The following ITGA2 variants were observed in gnomAD, a reference collection of about 807,000 sequenced individuals.
ITGA2 encodes integrin subunit alpha 2, also known as integrin alpha-2.
A neutral mutation model predicts 146.3 loss-of-function variants in ITGA2; 101 were observed. The observed-to-expected ratio is 0.69, with a 90% CI of 0.59 to 0.81. The LOEUF (loss-of-function observed/expected upper bound fraction) is 0.81, where lower values mean the gene tolerates loss of function less well. ITGA2 is among the 40% of genes least tolerant of loss of function. The pLI, the probability that ITGA2 is intolerant of heterozygous loss-of-function variation, is 0.00. For synonymous variants in ITGA2, 477 were observed against 487.1 expected, an observed-to-expected ratio of 0.98 and a Z score of 0.27; for missense variants, 1,281 against 1,402.7, an observed-to-expected ratio of 0.91 and a Z score of 1.39.
At chr5:53,070,039 A>G (rs561141041) in intron 16 of ITGA2, 70 bp from the exon 17 acceptor site, 22 of 1,309,844 alleles carry the variant, frequency 1.7e-5, no homozygotes, top group East Asian at 2.3e-5. Flanking sequence ...AGAAGACACA[A>G]TAAAGCAAAG....
intron 6 of ITGA2, 65 bp downstream of exon 6, chr5:53,048,835 T>G: frequency 6.4e-7 from 1 of 1,559,726 alleles, no homozygotes; most frequent in South Asian, 1.1e-5. Context: ...TTGTTAGCTA[T>G]GAAGTCTTAA....
intron 23 of ITGA2, among the ~76,000 whole-genome samples, chr5:53,076,966 A>G (rs1745688838): frequency 6.6e-6 from 1 of 152,018 alleles, no homozygotes; most frequent in Admixed American, 6.6e-5. Flanking sequence ...TCCCCATAAG[A>G]GACTGTTTTC....
intron 1 of ITGA2, among the ~76,000 whole-genome samples, chr5:53,019,417 C>T (rs780813301): frequency 1.3e-5 from 2 of 152,168 alleles, no homozygotes; most frequent in Admixed American, 6.5e-5. Context: ...GGATGTGAAT[C>T]GTCCCTTTGT....
At chr5:53,009,653 A>G (rs1300828040) in intron 1 of ITGA2, among the ~76,000 whole-genome samples, 2 of 152,098 alleles carry the variant, frequency 1.3e-5, no homozygotes, top group African/African-American at 4.8e-5. Context: ...GCCTATCTAG[A>G]TTGATTATAT....
chr5:53,044,977 T>A, intron 3 of ITGA2, 24 bp from the exon 4 acceptor site: 1 of 1,565,368 alleles, frequency 6.4e-7, no homozygotes, highest in Non-Finnish European at 8.8e-7. Context: ...TAATCACTTT[T>A]AAAAATTGTT....
chr5:53,088,169 T>C (rs1740207849), intron 28 of ITGA2, among the ~76,000 whole-genome samples: 1 of 152,198 alleles, frequency 6.6e-6, no homozygotes, highest in Non-Finnish European at 1.5e-5. Flanking sequence ...ATTATAGATT[T>C]TTTTTAAAAG....
intron 13 of ITGA2, among the ~76,000 whole-genome samples, chr5:53,063,928 G>A (rs1037714704): frequency 7.3e-5 from 11 of 151,646 alleles, no homozygotes; most frequent in African/African-American, 2.2e-4. Flanking sequence ...CGTGTCAAAC[G>A]CAGTAAAAAT....
intron 1 of ITGA2, among the ~76,000 whole-genome samples, chr5:53,017,611 TG>T (rs1742456732): frequency 6.6e-6 from 1 of 152,132 alleles, no homozygotes. Context: ...ATGTGTCAGC[TG>T]GGGTGGGGCT....
At position 53,067,106 on chromosome 5, in the gene ITGA2, T is replaced by C. The variant is rs1487447693; in HGVS notation, c.1944-12T>C. The C allele has an allele frequency of 6.2e-7, 1 of 1,609,010 alleles. No homozygotes were observed. Among genetic ancestry groups the C allele is most frequent in the East Asian group, 2.2e-5 (1 of 44,600 alleles). ...TAACATCCATCCATCTGTTACTCTT[T>C]ATGTCTTTTAGGTCACAAAGTATTG... On this transcript the variant is annotated splice_polypyrimidine_tract_variant and intron_variant, in intron 15 of 29. Transcript: ENST00000296585.
At chr5:53,088,788 T>G (rs1740263473) in intron 28 of ITGA2, among the ~76,000 whole-genome samples, 1 of 152,110 alleles carries the variant, frequency 6.6e-6, no homozygotes, top group African/African-American at 2.4e-5. Flanking sequence ...TATGAAAAAT[T>G]TTTTAATCTA....
At position 53,083,470 on chromosome 5, in the gene ITGA2, T is replaced by C; in HGVS notation, c.3258+17T>C. 7.2e-7 allele frequency: 1 copy of C among 1,381,464 alleles called. No homozygotes were observed. The highest frequency in any genetic ancestry group is 2.3e-5 in the East Asian group (1 of 43,752). 85.6% of individuals were successfully genotyped at this position (1,381,464 alleles called of 1,614,324 possible). On this transcript the variant is annotated intron_variant, in intron 27 of 29. Transcript: ENST00000296585. ...TTCGCATCAGTAAGTATCAGTTTTA[T>C]TTGTTAGATTTATCAATAGCAAGGA... is the stretch of plus-strand genomic sequence containing the variant.
In ITGA2 at chr5:53,080,641, C is replaced by A. The variant is rs1745878748; in HGVS notation, c.3039+20C>A. On this transcript the variant is annotated intron_variant, in intron 25 of 29. Coordinates refer to ENST00000296585, the MANE Select transcript of ITGA2 (RefSeq NM_002203.4). ...GACAAGGTAAAGATTAAAAAATTGCCTAAAAATGTGTACTTTCAAGATGTA... is the reference window on the plus strand; with the variant it reads ...GACAAGGTAAAGATTAAAAAATTGCATAAAAATGTGTACTTTCAAGATGTA... 2 of 1,546,330 alleles carry A rather than the reference C, an allele frequency of 1.3e-6. No homozygotes were observed. The highest frequency in any genetic ancestry group is 1.1e-5 in the South Asian group (1 of 89,746).
At chr5:53,077,073 T>C (rs976325985) in intron 23 of ITGA2, among the ~76,000 whole-genome samples, 1 of 151,986 alleles carries the variant, frequency 6.6e-6, no homozygotes, top group Non-Finnish European at 1.5e-5. Flanking sequence ...CACATTTTAT[T>C]ACCCAAAAGG....
At chr5:53,075,408 A>G (rs1271788946) in intron 23 of ITGA2, 104 bp downstream of exon 23, 1 of 871,844 alleles carries the variant, frequency 1.1e-6, no homozygotes, top group Non-Finnish European at 1.9e-6. Flanking sequence ...TTCTTAACTG[A>G]AGAATTTGAA....
At chr5:53,012,986 G>A (rs565031718) in intron 1 of ITGA2, among the ~76,000 whole-genome samples, 6 of 152,098 alleles carry the variant, frequency 3.9e-5, no homozygotes, top group South Asian at 4.2e-4. Context: ...GTTCCATACC[G>A]ATTCTGGACA....
At chr5:53,033,964 C>T (rs1056227840) in intron 2 of ITGA2, among the ~76,000 whole-genome samples, 13 of 152,122 alleles carry the variant, frequency 8.5e-5, no homozygotes, top group African/African-American at 3.1e-4. Flanking sequence ...GAGGTTTCAC[C>T]GTGTTGGCCA....
intron 27 of ITGA2, among the ~76,000 whole-genome samples, chr5:53,083,756 CA>C (rs1746031869): frequency 6.6e-6 from 1 of 152,166 alleles, no homozygotes; most frequent in Non-Finnish European, 1.5e-5. Flanking sequence ...CTACAAGGGG[CA>C]GCCTGCTTTG....
chr5:53,002,578 A>G (rs1001193014), intron 1 of ITGA2, among the ~76,000 whole-genome samples: 2 of 152,134 alleles, frequency 1.3e-5, no homozygotes, highest in African/African-American at 2.4e-5. Flanking sequence ...CTGCCATGCC[A>G]TGGTTAACTA....
intron 1 of ITGA2, among the ~76,000 whole-genome samples, chr5:53,017,552 C>T (rs1383502186): frequency 6.6e-6 from 1 of 152,246 alleles, no homozygotes; most frequent in Non-Finnish European, 1.5e-5. Flanking sequence ...CAGCAGGATC[C>T]ATCGTCACTT....
Sources: allele counts gnomAD v4.1 joint callset (sites outside exome capture counted in the v4.1 genomes callset), GRCh38; gene constraint gnomAD v4.1.1; transcripts MANE v1.5; gene names NCBI Gene and HGNC (gene_info 2026-07-23, HGNC 2026-07-21).